Variants in GNG12 observed in about 807,000 individuals in gnomAD.
GNG12 encodes guanine nucleotide-binding protein G(I)/G(S)/G(O) subunit gamma-12.
For missense variants in GNG12, 69 were observed against 83.8 expected (o/e 0.82, Z 0.69); for synonymous variants, 28 against 29.7 (o/e 0.94, Z 0.19).
At chr1:67,784,786 C>T (rs944468522) in intron 1 of GNG12, among the ~76,000 whole-genome samples, 2 of 147,306 alleles carry the variant, frequency 1.4e-5, no homozygotes, top group Non-Finnish European at 3.0e-5. Context: ...TATAGCATTT[C>T]ATAAATAATG....
At chr1:67,749,086 G>A (rs1049770538) in intron 2 of GNG12, among the ~76,000 whole-genome samples, 8 of 152,050 alleles carry the variant, frequency 5.3e-5, no homozygotes, top group African/African-American at 1.7e-4. Context: ...ATTTCTTCCT[G>A]AATAATGCAG....
At chr1:67,722,304 G>A (rs933839888) in intron 2 of GNG12, among the ~76,000 whole-genome samples, 1 of 152,126 alleles carries the variant, frequency 6.6e-6, no homozygotes, top group African/African-American at 2.4e-5. Flanking sequence ...GAGAGAAAAA[G>A]GCTGAGAAAG....
At chr1:67,813,334 C>T (rs1348614984) in intron 1 of GNG12, among the ~76,000 whole-genome samples, 1 of 152,160 alleles carries the variant, frequency 6.6e-6, no homozygotes, top group Non-Finnish European at 1.5e-5. Flanking sequence ...CTCGTAAGAA[C>T]CTACACCTAC....
chr1:67,721,548 C>A (rs1194181587), intron 2 of GNG12, among the ~76,000 whole-genome samples: 1 of 152,004 alleles, frequency 6.6e-6, no homozygotes, highest in African/African-American at 2.4e-5. Flanking sequence ...TAGAGCTTTT[C>A]AACAGAAGGA....
At chr1:67,820,106 C>T (rs1646976637) in intron 1 of GNG12, among the ~76,000 whole-genome samples, 1 of 149,012 alleles carries the variant, frequency 6.7e-6, no homozygotes, top group Admixed American at 6.7e-5. Context: ...AAAAAAAGAT[C>T]AGCCAGGCAC....
intron 2 of GNG12, among the ~76,000 whole-genome samples, chr1:67,762,303 T>G (rs566713502): frequency 3.9e-5 from 6 of 152,238 alleles, no homozygotes; most frequent in African/African-American, 1.4e-4. Flanking sequence ...AAAGATGAAG[T>G]GGGGTGGCTT....
chr1:67,766,107 C>T (rs1646636094), intron 2 of GNG12, among the ~76,000 whole-genome samples: 1 of 7,540 alleles, frequency 1.3e-4, no homozygotes, highest in East Asian at 1.2e-3. Context: ...GGCACACACG[C>T]ACACACACAC....
At chr1:67,728,079 T>G (rs544529395) in intron 2 of GNG12, among the ~76,000 whole-genome samples, 7 of 152,358 alleles carry the variant, frequency 4.6e-5, no homozygotes, top group African/African-American at 1.7e-4. Flanking sequence ...AGATCATACC[T>G]GCACTTAAGA....
intron 2 of GNG12, among the ~76,000 whole-genome samples, chr1:67,741,977 C>T (rs888300969): frequency 3.9e-5 from 6 of 152,206 alleles, no homozygotes; most frequent in African/African-American, 1.4e-4. Context: ...CCTGGGCCCA[C>T]AGGTGGCTGA....
At chr1:67,810,626 C>T (rs972258166) in intron 1 of GNG12, among the ~76,000 whole-genome samples, 2 of 152,096 alleles carry the variant, frequency 1.3e-5, no homozygotes, top group Non-Finnish European at 1.5e-5. Flanking sequence ...TTTAGTCTGC[C>T]GCAATGTCTG....
Position 67,702,218 on chromosome 1 carries a change from A to C in GNG12, c.*3233T>G, listed in dbSNP as rs1003353901. ...CCATTAACAGGTCTACCATAAAAGA[A>C]AGCAATAAAACCCATAATGTACTCT... is the stretch of plus-strand genomic sequence containing the variant. On this transcript the variant is annotated 3_prime_UTR_variant, in exon 4 of 4. Transcript: ENST00000370982. The C allele has an allele frequency of 4.6e-5, 7 of 152,232 alleles. No individual in the cohort carries two copies. Among genetic ancestry groups the C allele is most frequent in the African/African-American group, 1.7e-4 (7 of 41,472 alleles). 9.4% of individuals were successfully genotyped at this position (152,232 alleles called of 1,614,324 possible). A position where few individuals can be genotyped will look rare whatever the true frequency, so the allele number is the denominator to read the frequency against.
chr1:67,747,115 A>G (rs540645382), intron 2 of GNG12, among the ~76,000 whole-genome samples: 1 of 152,260 alleles, frequency 6.6e-6, no homozygotes, highest in South Asian at 2.1e-4. Context: ...AAGCATAAAG[A>G]ATCTTTTTGT....
intron 2 of GNG12, among the ~76,000 whole-genome samples, chr1:67,725,978 T>C (rs1246327157): frequency 6.6e-6 from 1 of 152,242 alleles, no homozygotes; most frequent in Non-Finnish European, 1.5e-5. Context: ...CATGTTACTA[T>C]AAACAACTTG....
intron 2 of GNG12, among the ~76,000 whole-genome samples, chr1:67,729,050 G>C (rs1005304192): frequency 6.6e-6 from 1 of 152,132 alleles, no homozygotes; most frequent in African/African-American, 2.4e-5. Flanking sequence ...TGCTACCCTG[G>C]ACTGCTCTCA....
chr1:67,731,787 C>T (rs1646421536), intron 2 of GNG12, among the ~76,000 whole-genome samples: 1 of 152,200 alleles, frequency 6.6e-6, no homozygotes, highest in Non-Finnish European at 1.5e-5. Context: ...TGATCTCTTC[C>T]TCCTTCGAGG....
Position 67,833,467 on chromosome 1 carries a change from T to A in GNG12, c.-200A>T. 2.0e-6 allele frequency: 2 copies of A among 985,220 alleles called. No homozygotes were observed. Among genetic ancestry groups the A allele is most frequent in the Non-Finnish European group, 2.4e-6 (2 of 830,212 alleles). The allele number at this position is 985,220 out of a possible 1,614,324, so 61.0% of individuals were successfully genotyped here. A position where few individuals can be genotyped will look rare whatever the true frequency, so the allele number is the denominator to read the frequency against. On this transcript the variant is annotated 5_prime_UTR_variant, in exon 1 of 4. Transcript: ENST00000370982. ...CCTCCGGGCGCCGGCTCCGCCTCGC[T>A]GGGGTGGGCGGGGCGGCGGCGGCCC...
At chr1:67,822,464 C>A (rs949267221) in intron 1 of GNG12, among the ~76,000 whole-genome samples, 7 of 151,966 alleles carry the variant, frequency 4.6e-5, no homozygotes. Flanking sequence ...AGATCCTGTC[C>A]TTATGAAGCT....
At chr1:67,763,203 C>A (rs1646616917) in intron 2 of GNG12, among the ~76,000 whole-genome samples, 1 of 150,626 alleles carries the variant, frequency 6.6e-6, no homozygotes, top group African/African-American at 2.4e-5. Context: ...ATAACCACAC[C>A]AATTAGTCAA....
intron 1 of GNG12, among the ~76,000 whole-genome samples, chr1:67,813,886 T>A (rs1436441637): frequency 6.6e-6 from 1 of 152,102 alleles, no homozygotes; most frequent in African/African-American, 2.4e-5. Context: ...GTGTCAGGCA[T>A]AGTTGTAAGT....
Sources: allele counts gnomAD v4.1 joint callset (sites outside exome capture counted in the v4.1 genomes callset), GRCh38; gene constraint gnomAD v4.1.1; transcripts MANE v1.5; gene names NCBI Gene and HGNC (gene_info 2026-07-23, HGNC 2026-07-21).